Variants in CNTN5 observed in about 807,000 individuals in gnomAD.
CNTN5 encodes contactin-5.
A neutral mutation model predicts 129.1 loss-of-function variants in CNTN5; 77 were observed. That is an observed-to-expected ratio of 0.60 (90% CI 0.50 to 0.72). The LOEUF is 0.72. Among genes scored for constraint, CNTN5 ranks in the 30% least tolerant of loss-of-function variants. The pLI, the probability that CNTN5 is intolerant of heterozygous loss-of-function variation, is 0.00. For missense variants in CNTN5, 1,478 were observed against 1,328.8 expected (o/e 1.11, Z -1.75); for synonymous variants, 509 against 465.6 (o/e 1.09, Z -1.20).
chr11:99,596,412 C>A (rs1274811955), intron 3 of CNTN5, among the ~76,000 whole-genome samples: 1 of 152,116 alleles, frequency 6.6e-6, no homozygotes, highest in Non-Finnish European at 1.5e-5. Context: ...AAGATCACAG[C>A]AAACTACCAA....
At position 99,101,580 on chromosome 11, in the gene CNTN5, C is replaced by T. The variant is rs530878875; in HGVS notation, c.-210+80310C>T. 2.6e-5 allele frequency among the ~76,000 whole-genome samples: 4 copies of T among 152,340 alleles called. No individual in the cohort carries two copies. In the East Asian group the frequency reaches 7.7e-4, roughly 29 times the overall value. On this transcript the variant is annotated intron_variant, in intron 1 of 24. Transcript: ENST00000524871. ...GAAATTAACCAAAACAAAGGGGCTA[C>T]AGGCCCTATGCCAGTTTAAAATCCA...
At chr11:99,597,871 TG>T (rs201170436) in intron 3 of CNTN5, among the ~76,000 whole-genome samples, 1,977 of 152,244 alleles carry the variant, frequency 0.013, 20 homozygotes, top group Non-Finnish European at 0.02. Flanking sequence ...GCCATGGAAG[TG>T]GCAAGCTTAT....
intron 3 of CNTN5, among the ~76,000 whole-genome samples, chr11:99,643,799 G>GA (rs1242348378): frequency 2.6e-5 from 4 of 151,196 alleles, no homozygotes; most frequent in African/African-American, 7.3e-5. Flanking sequence ...CATATATTTA[G>GA]AAAAAAATGA....
chr11:99,690,358 A>G (rs998407931), intron 3 of CNTN5, among the ~76,000 whole-genome samples: 1 of 152,140 alleles, frequency 6.6e-6, no homozygotes, highest in Non-Finnish European at 1.5e-5. Context: ...GAAGTTGGGT[A>G]ACATGATGCC....
At position 99,620,411 on chromosome 11, in the gene CNTN5, G is replaced by T. The variant is rs183240728; in HGVS notation, c.55+64142G>T. On this transcript the variant is annotated intron_variant, in intron 3 of 24. Coordinates refer to ENST00000524871, the MANE Select transcript of CNTN5 (RefSeq NM_014361.4). ...CATATAATATTTAATTATAAATATT[G>T]CAAATTCTTATGTCTTTCATTTGAC... 4.9e-3 allele frequency among the ~76,000 whole-genome samples: 739 copies of T among 151,438 alleles called. 6 individuals carry two copies. The highest frequency in any genetic ancestry group is 0.01 in the Middle Eastern group (3 of 288).
chr11:100,318,963 T>G (rs1053252577), intron 21 of CNTN5, among the ~76,000 whole-genome samples: 37 of 152,180 alleles, frequency 2.4e-4, no homozygotes, highest in Admixed American at 6.5e-5. Context: ...CAGACAAGTG[T>G]ACAAATCATA....
In CNTN5 at chr11:99,143,205, C is replaced by T. The variant is rs114870862; in HGVS notation, c.-210+121935C>T. 7.9e-3 allele frequency among the ~76,000 whole-genome samples: 1,193 copies of T among 151,676 alleles called. 19 individuals are homozygous for T. The highest frequency in any genetic ancestry group is 0.027 in the African/African-American group (1,101 of 41,422). ...AAAAAAACAAAGAAACAGAGCTATA[C>T]AGCTGTAAAACACTCTACATAGAAA... On this transcript the variant is annotated intron_variant, in intron 1 of 24. Coordinates refer to ENST00000524871, the MANE Select transcript of CNTN5 (RefSeq NM_014361.4).
chr11:99,773,331 G>A (rs561214898), intron 3 of CNTN5, among the ~76,000 whole-genome samples: 25 of 152,072 alleles, frequency 1.6e-4, no homozygotes, highest in Non-Finnish European at 3.2e-4. Flanking sequence ...AAAATTATTG[G>A]TGATAACATT....
Position 99,102,057 on chromosome 11 carries a change from G to GTCTCAA in CNTN5, c.-210+80789_-210+80794dup, listed in dbSNP as rs1190306623. ...CAATTCTTGATTTTGTGTGCCTACA[G>GTCTCAA]TCTCAATACCATGTGGAAGCTGCCA... On this transcript the variant is annotated intron_variant, in intron 1 of 24. Transcript: ENST00000524871. Among the ~76,000 whole-genome samples the GTCTCAA allele has an allele frequency of 2.0e-5, 3 of 152,258 alleles. No homozygotes were observed. The East Asian group carries it at 5.8e-4, about 29-fold the overall frequency.
intron 13 of CNTN5, among the ~76,000 whole-genome samples, chr11:100,118,393 T>C (rs545922982): frequency 6.6e-6 from 1 of 151,984 alleles, no homozygotes; most frequent in South Asian, 2.1e-4. Flanking sequence ...CGTTACACTA[T>C]AGTTTCTTTT....
intron 6 of CNTN5, among the ~76,000 whole-genome samples, chr11:99,907,752 T>C (rs1949547991): frequency 2.0e-5 from 3 of 152,028 alleles, no homozygotes; most frequent in African/African-American, 7.2e-5. Context: ...CTTTTTTCTA[T>C]GTTAGGTTTC....
chr11:99,543,926 C>CAAAAAAAA (rs869130663), intron 2 of CNTN5, among the ~76,000 whole-genome samples: 1 of 7,944 alleles, frequency 1.3e-4, no homozygotes, highest in African/African-American at 3.4e-4. Flanking sequence ...CTCAAAAAAA[C>CAAAAAAAA]AAAAAAAAAA....
At chr11:99,525,716 G>A (rs927338145) in intron 2 of CNTN5, among the ~76,000 whole-genome samples, 2 of 152,206 alleles carry the variant, frequency 1.3e-5, no homozygotes, top group African/African-American at 2.4e-5. Flanking sequence ...GGAAGAATGT[G>A]GTTTTAATAG....
chr11:99,274,911 G>C (rs1322010683), intron 1 of CNTN5, among the ~76,000 whole-genome samples: 1 of 151,350 alleles, frequency 6.6e-6, no homozygotes, highest in Non-Finnish European at 1.5e-5. Flanking sequence ...ATTACCAGTA[G>C]TTGTAGTATC....
chr11:99,293,603 T>C (rs1864264332), intron 1 of CNTN5, among the ~76,000 whole-genome samples: 1 of 152,160 alleles, frequency 6.6e-6, no homozygotes, highest in South Asian at 2.1e-4. Flanking sequence ...CATTGTTCAT[T>C]ATAGTCTGTT....
At chr11:100,116,029 G>A (rs754734277) in intron 13 of CNTN5, among the ~76,000 whole-genome samples, 65 of 151,968 alleles carry the variant, frequency 4.3e-4, no homozygotes, top group Non-Finnish European at 7.6e-4. Context: ...TTTTGGAGAA[G>A]AACCACCTCT....
intron 16 of CNTN5, among the ~76,000 whole-genome samples, 199 bp from the exon 17 acceptor site, chr11:100,255,556 GAAATC>G (rs1950048318): frequency 6.6e-6 from 1 of 152,142 alleles, no homozygotes; most frequent in African/African-American, 2.4e-5. Context: ...GTAGCAGAAA[GAAATC>G]AAATCTACAA....
chr11:99,309,726 A>G (rs1416374034), intron 1 of CNTN5, among the ~76,000 whole-genome samples: 1 of 152,194 alleles, frequency 6.6e-6, no homozygotes, highest in African/African-American at 2.4e-5. Flanking sequence ...TATGCATCTC[A>G]ACTCCAAAAT....
intron 18 of CNTN5, among the ~76,000 whole-genome samples, chr11:100,286,174 G>T (rs1360245681): frequency 1.3e-5 from 2 of 152,144 alleles, no homozygotes; most frequent in East Asian, 1.9e-4. Context: ...CAGCCAGGCT[G>T]GGGGAGGGGC....
Sources: gnomAD v4.1 joint callset for allele counts (sites outside exome capture counted in the v4.1 genomes callset) on GRCh38, gnomAD v4.1.1 for gene constraint, MANE v1.5 for transcripts, NCBI Gene and HGNC (gene_info 2026-07-23, HGNC 2026-07-21) for gene names.